KCNQ5: variants seen among roughly 807,000 people sequenced by gnomAD.
KCNQ5 encodes potassium voltage-gated channel subfamily KQT member 5.
KCNQ5 carries 30 observed loss-of-function variants against 98.2 expected under a neutral mutation model. That is an observed-to-expected ratio of 0.31 (90% CI 0.23 to 0.41). KCNQ5 has a LOEUF of 0.41. KCNQ5 is among the 10% of genes least tolerant of loss of function. The pLI, the probability that KCNQ5 is intolerant of heterozygous loss-of-function variation, is 1.00. For synonymous variants in KCNQ5, 458 were observed against 449.4 expected (o/e 1.02, Z -0.24); for missense variants, 835 against 1,182.5 (o/e 0.71, Z 4.31).
chr6:73,172,732 T>C (rs1042534365), intron 11 of KCNQ5, among the ~76,000 whole-genome samples: 1 of 152,218 alleles, frequency 6.6e-6, no homozygotes, highest in Non-Finnish European at 1.5e-5. Flanking sequence ...CATCTCAAAA[T>C]AGTAACTTTG....
chr6:72,911,884 C>A (rs1779954348), intron 1 of KCNQ5, among the ~76,000 whole-genome samples: 1 of 152,148 alleles, frequency 6.6e-6, no homozygotes, highest in Non-Finnish European at 1.5e-5. Context: ...TACTCTTTCA[C>A]CACTAAAGTT....
At chr6:73,058,934 G>T (rs1772652593) in intron 3 of KCNQ5, among the ~76,000 whole-genome samples, 1 of 152,182 alleles carries the variant, frequency 6.6e-6, no homozygotes, top group South Asian at 2.1e-4. Flanking sequence ...CAAGGTTATG[G>T]AGAAAAAGGA....
At chr6:73,028,605 T>C (rs1770996383) in intron 2 of KCNQ5, among the ~76,000 whole-genome samples, 1 of 152,208 alleles carries the variant, frequency 6.6e-6, no homozygotes, top group Non-Finnish European at 1.5e-5. Context: ...TATTCAGGCA[T>C]GCCATGCTGC....
intron 1 of KCNQ5, among the ~76,000 whole-genome samples, chr6:72,893,446 A>T (rs1453057889): frequency 6.6e-6 from 1 of 152,198 alleles, no homozygotes; most frequent in Non-Finnish European, 1.5e-5. Flanking sequence ...AGGAGAATGG[A>T]AGAGATGCTT....
intron 3 of KCNQ5, 36 bp from the exon 4 acceptor site, chr6:73,077,286 G>T (rs891974751): frequency 5.0e-6 from 8 of 1,588,500 alleles, no homozygotes; most frequent in Non-Finnish European, 6.9e-6. Flanking sequence ...ATTCCTGGTC[G>T]TGCTAACTGT....
intron 1 of KCNQ5, among the ~76,000 whole-genome samples, chr6:72,910,764 A>G (rs1779911490): frequency 1.3e-5 from 2 of 152,188 alleles, no homozygotes; most frequent in African/African-American, 2.4e-5. Flanking sequence ...AGAGGATAAA[A>G]GTGAACATAG....
chr6:72,801,067 AGGTGT>A, intron 1 of KCNQ5, among the ~76,000 whole-genome samples: 1 of 152,064 alleles, frequency 6.6e-6, no homozygotes, highest in East Asian at 1.9e-4. Context: ...ATTTTGGGAT[AGGTGT>A]GGTGTGGTGC....
intron 1 of KCNQ5, among the ~76,000 whole-genome samples, chr6:72,704,402 G>GT (rs200158958): frequency 2.2e-3 from 335 of 150,836 alleles, no homozygotes; most frequent in African/African-American, 7.9e-3. Flanking sequence ...ATTACTCTGG[G>GT]TTTTTTTTTC....
Position 72,931,028 on chromosome 6 carries a change from G to A in KCNQ5, c.399-72880G>A, listed in dbSNP as rs566132346. ...GTTTACTGGGCCATCATTGACTATG[G>A]TTTACTTTTATTACAGCAGAATTGA... On this transcript the variant is annotated intron_variant, in intron 1 of 13. Coordinates refer to ENST00000370398, the MANE Select transcript of KCNQ5 (RefSeq NM_019842.4). Among the ~76,000 whole-genome samples the A allele has an allele frequency of 1.6e-4, 24 of 152,168 alleles. 1 individual carries two copies. The South Asian group carries it at 2.9e-3, about 18-fold the overall frequency.
chr6:72,817,254 T>C (rs923113630), intron 1 of KCNQ5, among the ~76,000 whole-genome samples: 6 of 152,244 alleles, frequency 3.9e-5, no homozygotes, highest in Admixed American at 2.6e-4. Context: ...TTTGCTACTA[T>C]ATATTGAATT....
At chr6:72,695,207 C>T (rs72935429) in intron 1 of KCNQ5, among the ~76,000 whole-genome samples, 3,581 of 152,140 alleles carry the variant, frequency 0.024, 74 homozygotes, top group South Asian at 0.062. Flanking sequence ...GGACAACTGC[C>T]GTCAAGATAT....
At chr6:73,100,849 C>T (rs1582358706) in intron 5 of KCNQ5, among the ~76,000 whole-genome samples, 1 of 152,148 alleles carries the variant, frequency 6.6e-6, no homozygotes, top group Admixed American at 6.5e-5. Context: ...TTAGAGGCTA[C>T]TGTGAGAAAC....
At chr6:72,986,339 A>T (rs1768776101) in intron 1 of KCNQ5, 1 of 366,238 alleles carries the variant, frequency 2.7e-6, no homozygotes, top group Non-Finnish European at 5.0e-6. Context: ...GAGGTGGGGA[A>T]GTTTGGTCCA....
intron 10 of KCNQ5, among the ~76,000 whole-genome samples, chr6:73,145,062 A>C (rs1387191228): frequency 6.6e-6 from 1 of 152,244 alleles, no homozygotes; most frequent in Non-Finnish European, 1.5e-5. Context: ...ATTTGCTTTT[A>C]GTATTTTCAA....
chr6:73,145,057 C>A (rs1442711732), intron 10 of KCNQ5, among the ~76,000 whole-genome samples: 1 of 152,136 alleles, frequency 6.6e-6, no homozygotes, highest in Non-Finnish European at 1.5e-5. Flanking sequence ...AGCTTATTTG[C>A]TTTTAGTATT....
chr6:72,964,481 T>TACA (rs1293829331), intron 1 of KCNQ5, among the ~76,000 whole-genome samples: 1 of 152,198 alleles, frequency 6.6e-6, no homozygotes, highest in African/African-American at 2.4e-5. Flanking sequence ...TGCCTTAGGG[T>TACA]ACAGAAAGAC....
Position 72,912,067 on chromosome 6 carries a change from G to T in KCNQ5, c.399-91841G>T, listed in dbSNP as rs575928851. ...CAACCAAGAGACAAAGAGATTGGGG[G>T]ATAAAAGTACAAGAGCAAGCAGATT... is the stretch of plus-strand genomic sequence containing the variant. On this transcript the variant is annotated intron_variant, in intron 1 of 13. Coordinates refer to ENST00000370398, the MANE Select transcript of KCNQ5 (RefSeq NM_019842.4). 9.9e-5 allele frequency among the ~76,000 whole-genome samples: 15 copies of T among 152,220 alleles called. 2 individuals are homozygous for T. Among genetic ancestry groups the T allele is most frequent in the Admixed American group, 9.8e-4 (15 of 15,272 alleles).
intron 9 of KCNQ5, among the ~76,000 whole-genome samples, chr6:73,131,805 G>A (rs1047802868): frequency 6.6e-6 from 1 of 152,170 alleles, no homozygotes; most frequent in Non-Finnish European, 1.5e-5. Context: ...CTCTTCCACT[G>A]TTGGGATTGT....
chr6:73,015,372 C>T (rs1770282762), intron 2 of KCNQ5, among the ~76,000 whole-genome samples: 1 of 152,092 alleles, frequency 6.6e-6, no homozygotes, highest in Non-Finnish European at 1.5e-5. Flanking sequence ...TAAACACCTA[C>T]ACTGAACCTT....
Sources: allele counts gnomAD v4.1 joint callset (sites outside exome capture counted in the v4.1 genomes callset), GRCh38; gene constraint gnomAD v4.1.1; transcripts MANE v1.5; gene names NCBI Gene and HGNC (gene_info 2026-07-23, HGNC 2026-07-21).